The following P4HA2 variants were observed in gnomAD, a reference collection of about 807,000 sequenced individuals.
P4HA2 encodes prolyl 4-hydroxylase subunit alpha 2.
A neutral mutation model predicts 76.9 loss-of-function variants in P4HA2; 46 were observed. That is an observed-to-expected ratio of 0.60 (90% CI 0.47 to 0.76). The LOEUF is 0.76. Among genes scored for constraint, P4HA2 ranks in the 30% least tolerant of loss-of-function variants. The pLI is 0.00. For synonymous variants in P4HA2, 243 were observed against 254.0 expected (o/e 0.96, Z 0.41); for missense variants, 583 against 669.4 (o/e 0.87, Z 1.42).
chr5:132,217,754 C>G lies in P4HA2; in HGVS notation c.177G>C (p.Lys59Asn), dbSNP rs774391174. ...LVEEAKLSKI[K>N]SWANKMEALT... Reference sequence around the variant, plus strand: ...GGATGGTTGGGGACTTAGGACACCTCTTAATCTTGGAAAGCTTGGCTTCCT... The same window carrying G: ...GGATGGTTGGGGACTTAGGACACCTGTTAATCTTGGAAAGCTTGGCTTCCT... The change falls in exon 3 of 15, where the codon AAG becomes AAC. Residue 59 changes from lysine (K) to asparagine (N), a missense_variant and splice_region_variant. Transcript: ENST00000360568. 1 of 1,589,038 alleles carries G rather than the reference C, an allele frequency of 6.3e-7. No homozygotes were observed. Among genetic ancestry groups the G allele is most frequent in the Non-Finnish European group, 8.6e-7 (1 of 1,157,160 alleles).
chr5:132,227,417 C>G (rs910861009), intron 1 of P4HA2: 2 of 152,320 alleles, frequency 1.3e-5, no homozygotes, highest in Admixed American at 6.5e-5. Context: ...GCCGCGCCCC[C>G]GCTCCCAACA....
chr5:132,196,327 C>T (rs1750640503), intron 12 of P4HA2, among the ~76,000 whole-genome samples: 1 of 152,210 alleles, frequency 6.6e-6, no homozygotes, highest in African/African-American at 2.4e-5. Flanking sequence ...CCCCAAGGCC[C>T]TGTCAGTCTC....
Position 132,210,306 on chromosome 5 carries a change from G to A in P4HA2, c.687C>T (p.Leu229=). Reference sequence around the variant, plus strand: ...TACCAAGGGAGAGCAGGCGGCGGGTGAGCTCCAGGGCACGGTGCAGATCAC... The same window carrying A: ...TACCAAGGGAGAGCAGGCGGCGGGTAAGCTCCAGGGCACGGTGCAGATCAC... ...QLGDLHRALE[L]TRRLLSLDPS... is the part of the protein sequence containing the mutation. Residue 229 remains leucine, a synonymous_variant, in exon 6 of 15, where the codon CTC becomes CTT. Coordinates refer to ENST00000360568, the MANE Select transcript of P4HA2 (RefSeq NM_001017974.2). The A allele has an allele frequency of 3.7e-6, 6 of 1,614,152 alleles. No individual in the cohort carries two copies. Among genetic ancestry groups the A allele is most frequent in the Non-Finnish European group, 5.1e-6 (6 of 1,180,032 alleles).
At chr5:132,217,941 T>A (rs757867109) in intron 2 of P4HA2, 93 bp from the exon 3 acceptor site, 1 of 728,704 alleles carries the variant, frequency 1.4e-6, no homozygotes, top group Non-Finnish European at 2.4e-6. Context: ...CAGAAGCAAG[T>A]CCCCTGGGAT....
In P4HA2 at chr5:132,193,199, A is replaced by T. The variant is rs951424626; in HGVS notation, c.1532-119T>A. ...TGGAATCAGACACAAATAAGACAAG[A>T]CATGATCTCAGGCCTCAATTTGCTG... On this transcript the variant is annotated intron_variant, in intron 14 of 14. Transcript: ENST00000360568. 1.5e-4 allele frequency: 105 copies of T among 704,006 alleles called. 1 individual carries two copies. Among genetic ancestry groups the T allele is most frequent in the South Asian group, 8.4e-4 (50 of 59,250 alleles). The allele number at this position is 704,006 out of a possible 1,614,324, so 43.6% of individuals were successfully genotyped here. A position where few individuals can be genotyped will look rare whatever the true frequency, so the allele number is the denominator to read the frequency against.
rs1749986169 is a variant in P4HA2 at position 132,192,281 on chromosome 5, A to G, written c.*729T>C. ...CACAGGTGCTCCTGCTCACCTTCAT[A>G]TTTTTTTAAGTATACATCTGTGTAT... On this transcript the variant is annotated 3_prime_UTR_variant, in exon 15 of 15. Coordinates refer to ENST00000360568, the MANE Select transcript of P4HA2 (RefSeq NM_001017974.2). 6.6e-6 allele frequency: 1 copy of G among 152,166 alleles called. No individual in the cohort carries two copies. The highest frequency in any genetic ancestry group is 1.5e-5 in the Non-Finnish European group (1 of 68,028). The allele number at this position is 152,166 out of a possible 1,614,324, so 9.4% of individuals were successfully genotyped here. A position where few individuals can be genotyped will look rare whatever the true frequency, so the allele number is the denominator to read the frequency against.
chr5:132,198,146 A>G lies in P4HA2; in HGVS notation c.1365+175T>C, dbSNP rs1750940866. ...AGATCAGCCCTGATGGGGGTGGGAT[A>G]TAAGGCAGCCCTCTGGACCCAGGGT... On this transcript the variant is annotated intron_variant, in intron 12 of 14. Transcript: ENST00000360568. The G allele has an allele frequency of 5.0e-6, 8 of 1,609,266 alleles. No homozygotes were observed. The Admixed American group carries it at 1.3e-4, about 27-fold the overall frequency.
chr5:132,194,166 C>T (rs931080759), intron 14 of P4HA2, among the ~76,000 whole-genome samples: 2 of 152,156 alleles, frequency 1.3e-5, no homozygotes, highest in Admixed American at 6.5e-5. Flanking sequence ...TAAAGTAATA[C>T]TCAGTGTGTA....
chr5:132,215,865 A>G (rs1216670826), intron 4 of P4HA2, among the ~76,000 whole-genome samples: 2 of 150,430 alleles, frequency 1.3e-5, no homozygotes, highest in African/African-American at 2.4e-5. Flanking sequence ...AAAAAAAAAA[A>G]AAAAAAAAAA....
chr5:132,225,338 C>T (rs1018058488), intron 1 of P4HA2, among the ~76,000 whole-genome samples: 1 of 152,208 alleles, frequency 6.6e-6, no homozygotes, highest in Non-Finnish European at 1.5e-5. Flanking sequence ...GGACACACCT[C>T]CTAGCCCTCT....
At position 132,198,321 on chromosome 5, in the gene P4HA2, G is replaced by C; in HGVS notation, c.1365C>G (p.Tyr455Ter). Residue 455 changes from tyrosine to a stop codon, truncating the protein, a stop_gained and splice_region_variant, in exon 12 of 15, where the codon TAC becomes TAG. Transcript: ENST00000360568. LOFTEE classifies it high-confidence loss of function. ...EGNRLATFLN[Y>*]MSDVEAGGAT... The stretch of plus-strand genomic sequence containing the variant: ...AGGTGGGCCTGGACCCAGTACTTAC[G>C]TAGTTAAGAAACGTCGCTAACCTAT... 1 of 1,614,174 alleles carries C rather than the reference G, an allele frequency of 6.2e-7. No homozygotes were observed.
intron 1 of P4HA2, among the ~76,000 whole-genome samples, chr5:132,219,834 C>T (rs1561496491): frequency 6.6e-6 from 1 of 152,060 alleles, no homozygotes; most frequent in Non-Finnish European, 1.5e-5. Flanking sequence ...TCATCTTACT[C>T]TTTCAGAAGA....
At chr5:132,207,457 G>T (rs1244186180) in intron 8 of P4HA2, among the ~76,000 whole-genome samples, 1 of 151,948 alleles carries the variant, frequency 6.6e-6, no homozygotes, top group African/African-American at 2.4e-5. Context: ...GTGTAGACCT[G>T]CCCTGTTCCC....
rs189996548 is a variant in P4HA2 at position 132,213,773 on chromosome 5, G to A, written c.469+143C>T. 4,646 of 727,416 alleles carry A rather than the reference G, an allele frequency of 6.4e-3. 31 individuals are homozygous for A. The highest frequency in any genetic ancestry group is 8.1e-3 in the Middle Eastern group (20 of 2,482). 45.1% of individuals were successfully genotyped at this position (727,416 alleles called of 1,614,324 possible). A position where few individuals can be genotyped will look rare whatever the true frequency, so the allele number is the denominator to read the frequency against. On this transcript the variant is annotated intron_variant, in intron 5 of 14. Coordinates refer to ENST00000360568, the MANE Select transcript of P4HA2 (RefSeq NM_001017974.2). The stretch of plus-strand genomic sequence containing the variant: ...TGAGGGAGAAACCTGTCATGGGAGA[G>A]GGAGTCCAGCACAAACTGGTGAGCC...
chr5:132,218,308 G>A (rs1279847729), intron 2 of P4HA2, among the ~76,000 whole-genome samples: 1 of 152,200 alleles, frequency 6.6e-6, no homozygotes, highest in Non-Finnish European at 1.5e-5. Flanking sequence ...GAGAGCCCAA[G>A]TGCAGCCTGC....
chr5:132,211,179 C>G (rs116128593), intron 5 of P4HA2, among the ~76,000 whole-genome samples: 501 of 152,292 alleles, frequency 3.3e-3, no homozygotes, highest in Non-Finnish European at 5.7e-3. Context: ...TGCTGAGTAT[C>G]AGTTCAGTGG....
Position 132,227,810 on chromosome 5 carries a change from G to C in P4HA2, c.-39C>G, listed in dbSNP as rs1300245720. 1 of 152,250 alleles carries C rather than the reference G, an allele frequency of 6.6e-6. No individual in the cohort carries two copies. Among genetic ancestry groups the C allele is most frequent in the South Asian group, 2.1e-4 (1 of 4,834 alleles). 9.4% of individuals were successfully genotyped at this position (152,250 alleles called of 1,614,324 possible). On this transcript the variant is annotated 5_prime_UTR_variant, in exon 1 of 15. Coordinates refer to ENST00000360568, the MANE Select transcript of P4HA2 (RefSeq NM_001017974.2). ...CTCACCTGGACACTCGCAGCTCCCG[G>C]CGTTTCCAGAACCTCCCGCGGCGTC...
At chr5:132,221,827 C>T (rs376333902) in intron 1 of P4HA2, among the ~76,000 whole-genome samples, 2 of 152,318 alleles carry the variant, frequency 1.3e-5, no homozygotes, top group East Asian at 3.9e-4. Context: ...TGTTTGGACC[C>T]CCACAGGAAA....
At chr5:132,211,709 T>C (rs1320119597) in intron 5 of P4HA2, among the ~76,000 whole-genome samples, 2 of 152,196 alleles carry the variant, frequency 1.3e-5, no homozygotes, top group African/African-American at 2.4e-5. Flanking sequence ...CAGAGTAACA[T>C]AGCTGACTGA....
Sources: gnomAD v4.1 joint callset for allele counts (sites outside exome capture counted in the v4.1 genomes callset) on GRCh38, gnomAD v4.1.1 for gene constraint, MANE v1.5 for transcripts, NCBI Gene and HGNC (gene_info 2026-07-23, HGNC 2026-07-21) for gene names.